The following LRRC37A2 variants were observed in gnomAD, a reference collection of about 807,000 sequenced individuals.
LRRC37A2 encodes the protein leucine rich repeat containing 37 member A2, also known as leucine-rich repeat-containing protein 37A2.
LRRC37A2 carries 9 observed loss-of-function variants against 68.8 expected under a neutral mutation model. The observed-to-expected ratio is 0.13, with a 90% CI of 0.08 to 0.23. LRRC37A2 has a LOEUF of 0.23. LRRC37A2 is among the 10% of genes least tolerant of loss of function. The pLI is 1.00. For missense variants in LRRC37A2, 168 were observed against 950.4 expected, an observed-to-expected ratio of 0.18 and a Z score of 10.82; for synonymous variants, 63 against 367.6, an observed-to-expected ratio of 0.17 and a Z score of 9.48.
the LRRC37A2 span, among the ~76,000 whole-genome samples, chr17:46,779,101 A>C: frequency 0.015 from 2,058 of 139,876 alleles, 163 homozygotes; most frequent in East Asian, 0.16. Flanking sequence ...ACACACACAC[A>C]CACCCCAGCC....
the LRRC37A2 span, among the ~76,000 whole-genome samples, chr17:46,789,363 C>T: frequency 6.6e-6 from 1 of 152,192 alleles, no homozygotes; most frequent in Admixed American, 6.5e-5. Flanking sequence ...TACACTACGG[C>T]AGATCACTTG....
chr17:46,836,095 C>CACGTGTGT, the LRRC37A2 span, among the ~76,000 whole-genome samples: 9 of 126,502 alleles, frequency 7.1e-5, no homozygotes, highest in African/African-American at 2.9e-4. Flanking sequence ...GAGACGCTGA[C>CACGTGTGT]GTGTGTGTGT....
chr17:46,398,526 CT>C, the LRRC37A2 span, among the ~76,000 whole-genome samples: 2 of 105,530 alleles, frequency 1.9e-5, no homozygotes, highest in Admixed American at 9.9e-5. Flanking sequence ...TAGTGTGTAT[CT>C]TTTTTTTAAG....
chr17:47,012,132 T>C, the LRRC37A2 span, among the ~76,000 whole-genome samples: 1 of 152,226 alleles, frequency 6.6e-6, no homozygotes, highest in African/African-American at 2.4e-5. Flanking sequence ...TCCAACTTCA[T>C]GACTTCTTCC....
the LRRC37A2 span, among the ~76,000 whole-genome samples, chr17:46,439,438 CAGTA>C: frequency 3.6e-5 from 5 of 138,322 alleles, no homozygotes; most frequent in African/African-American, 1.3e-4. Flanking sequence ...TCTCCCCACT[CAGTA>C]AGTTAACAGT....
At chr17:46,543,235 G>T (rs1219078026) in intron 8 of LRRC37A2, among the ~76,000 whole-genome samples, 2 of 150,538 alleles carry the variant, frequency 1.3e-5, no homozygotes, top group Admixed American at 6.6e-5. Flanking sequence ...ACACATTTAT[G>T]TACAAAGTAA....
chr17:46,921,478 A>T, the LRRC37A2 span, among the ~76,000 whole-genome samples: 7 of 152,234 alleles, frequency 4.6e-5, no homozygotes, highest in Admixed American at 3.3e-4. Context: ...CAAAATTGAC[A>T]AATGGGATCT....
At chr17:46,775,609 CTTTTTTT>C in the LRRC37A2 span, among the ~76,000 whole-genome samples, 28 of 111,636 alleles carry the variant, frequency 2.5e-4, no homozygotes, top group Admixed American at 4.5e-4. Flanking sequence ...GCCAGAAGTT[CTTTTTTT>C]TTTTTTTTTT....
the LRRC37A2 span, among the ~76,000 whole-genome samples, chr17:46,493,392 G>A: frequency 5.4e-5 from 7 of 128,950 alleles, no homozygotes; most frequent in African/African-American, 2.2e-4. Context: ...CGAATCCTGG[G>A]CTCAAGCGAT....
chr17:46,631,086 A>ACACACACACACACACACACG, the LRRC37A2 span, among the ~76,000 whole-genome samples: 1 of 145,728 alleles, frequency 6.9e-6, no homozygotes, highest in African/African-American at 2.8e-5. Flanking sequence ...ACACACACAC[A>ACACACACACACACACACACG]CACACACACA....
chr17:46,834,910 G>A, the LRRC37A2 span, among the ~76,000 whole-genome samples: 3 of 152,278 alleles, frequency 2.0e-5, no homozygotes, highest in South Asian at 6.2e-4. Flanking sequence ...TGGCCATTGA[G>A]CTCACCTGTC....
chr17:46,409,529 CCTTGGCCT>C, the LRRC37A2 span, among the ~76,000 whole-genome samples: 1 of 150,652 alleles, frequency 6.6e-6, no homozygotes, highest in Non-Finnish European at 1.5e-5. Context: ...AATCCTCCCA[CCTTGGCCT>C]CTCAAAGTGC....
At chr17:46,852,526 G>A in the LRRC37A2 span, among the ~76,000 whole-genome samples, 4 of 151,296 alleles carry the variant, frequency 2.6e-5, no homozygotes, top group East Asian at 7.8e-4. Context: ...AGCCGGACAG[G>A]AACTATGTGG....
the LRRC37A2 span, among the ~76,000 whole-genome samples, chr17:46,985,519 CAAAAAA>C: frequency 1.8e-5 from 2 of 111,402 alleles, no homozygotes; most frequent in Admixed American, 8.8e-5. Flanking sequence ...GATTCCATCT[CAAAAAA>C]AAAAAAAAAA....
At chr17:46,918,473 TGATA>T in the LRRC37A2 span, among the ~76,000 whole-genome samples, 10 of 152,132 alleles carry the variant, frequency 6.6e-5, no homozygotes, top group African/African-American at 9.7e-5. Context: ...CCTGTCAACG[TGATA>T]GATAAATAGG....
chr17:46,844,305 CTTTTTTT>C, the LRRC37A2 span, among the ~76,000 whole-genome samples: 58 of 127,446 alleles, frequency 4.6e-4, 2 homozygotes, highest in South Asian at 4.1e-3. Context: ...AGTTAGCCAC[CTTTTTTT>C]TTTTTTTTTT....
the LRRC37A2 span, among the ~76,000 whole-genome samples, chr17:46,861,300 C>A: frequency 6.6e-6 from 1 of 152,192 alleles, no homozygotes; most frequent in East Asian, 1.9e-4. Flanking sequence ...TTAGTAGAGA[C>A]CTCGGGGCCC....
chr17:46,842,280 A>G, the LRRC37A2 span, among the ~76,000 whole-genome samples: 1 of 152,248 alleles, frequency 6.6e-6, no homozygotes, highest in African/African-American at 2.4e-5. Context: ...GCCACAGGTG[A>G]GGTAGATATG....
At chr17:47,031,002 A>C in the LRRC37A2 span, among the ~76,000 whole-genome samples, 1 of 151,784 alleles carries the variant, frequency 6.6e-6, no homozygotes, top group Non-Finnish European at 1.5e-5. Context: ...AAATTTTTGT[A>C]GTCATAATTT....
Sources: gnomAD v4.1 joint callset for allele counts (sites outside exome capture counted in the v4.1 genomes callset) on GRCh38, gnomAD v4.1.1 for gene constraint, MANE v1.5 for transcripts, NCBI Gene and HGNC (gene_info 2026-07-23, HGNC 2026-07-21) for gene names.